ENDOV: variants seen among roughly 807,000 people sequenced by gnomAD.
The protein encoded by ENDOV is endonuclease V.
In ENDOV, 37 loss-of-function variants were observed where a neutral mutation model predicts 39.4. The observed-to-expected ratio is 0.94, with a 90% CI of 0.72 to 1.23. ENDOV has a LOEUF of 1.23. ENDOV is among the 50% of genes most tolerant of loss of function. ENDOV has a pLI of 0.00. For missense variants in ENDOV, 441 were observed against 375.7 expected, an observed-to-expected ratio of 1.17 and a Z score of -1.44; for synonymous variants, 186 against 163.4, an observed-to-expected ratio of 1.14 and a Z score of -1.05.
intron 2 of ENDOV, among the ~76,000 whole-genome samples, chr17:80,416,473 G>C (rs1292689945): frequency 6.6e-6 from 1 of 151,960 alleles, no homozygotes; most frequent in Non-Finnish European, 1.5e-5. Context: ...ACACTAGCTC[G>C]CTTTTATTCT....
In ENDOV at chr17:80,428,382, A is replaced by G. The variant is rs534149614; in HGVS notation, c.715-214A>G. 190 of 578,892 alleles carry G rather than the reference A, an allele frequency of 3.3e-4. No individual in the cohort carries two copies. In the African/African-American group the frequency reaches 3.3e-3, roughly 10 times the overall value. 35.9% of individuals were successfully genotyped at this position (578,892 alleles called of 1,614,324 possible). On this transcript the variant is annotated intron_variant, in intron 7 of 9. Coordinates refer to ENST00000518137, the MANE Select transcript of ENDOV (RefSeq NM_173627.5). ...CAGGGACTGCCCAGCTCGGTTTGAG[A>G]GCTGCCATTGCGGGGCTTTGACCCC...
At chr17:80,421,439 C>T (rs375847970) in intron 2 of ENDOV, among the ~76,000 whole-genome samples, 13 of 149,300 alleles carry the variant, frequency 8.7e-5, no homozygotes, top group African/African-American at 3.3e-4. Context: ...GGAGTTGGGG[C>T]TCCTCCAGTG....
chr17:80,415,272 C>A, intron 1 of ENDOV, 22 bp downstream of exon 1: 1 of 1,612,652 alleles, frequency 6.2e-7, no homozygotes, highest in Non-Finnish European at 8.5e-7. Context: ...AGGCGACGCG[C>A]AGGAGGCGGG....
Position 80,431,203 on chromosome 17 carries a change from C to T in ENDOV, c.838+1372C>T, listed in dbSNP as rs1469459707. On this transcript the variant is annotated intron_variant, in intron 9 of 9. Coordinates refer to ENST00000518137, the MANE Select transcript of ENDOV (RefSeq NM_173627.5). ...CCATGCCCCTTCAAGAAGGTGCTAT[C>T]CTGGTGTTCCTGAGGAGCAGGGCGA... is the stretch of plus-strand genomic sequence containing the variant. 5.9e-5 allele frequency among the ~76,000 whole-genome samples: 9 copies of T among 152,286 alleles called. No individual in the cohort carries two copies. In the East Asian group the frequency reaches 1.5e-3, roughly 26 times the overall value.
intron 2 of ENDOV, among the ~76,000 whole-genome samples, chr17:80,419,065 C>A (rs963421056): frequency 6.7e-6 from 1 of 149,280 alleles, no homozygotes; most frequent in Non-Finnish European, 1.5e-5. Context: ...CCCAGCTACT[C>A]GGGAGGCTGA....
At chr17:80,422,376 C>A in intron 4 of ENDOV, 131 bp downstream of exon 4, 2 of 1,110,468 alleles carry the variant, frequency 1.8e-6, no homozygotes, top group Non-Finnish European at 1.3e-6. Flanking sequence ...TGGCTTCTTT[C>A]TCGGCGCAAC....
At chr17:80,425,751 G>A (rs2082619708) in intron 7 of ENDOV, 131 bp downstream of exon 7, 1 of 1,391,822 alleles carries the variant, frequency 7.2e-7, no homozygotes, top group African/African-American at 1.5e-5. Context: ...CTGGGCCGAG[G>A]ACAGGTCACA....
In ENDOV at chr17:80,419,088, G is replaced by C. The variant is rs560668144; in HGVS notation, c.229-2740G>C. ...CTCGGGAGGCTGAGGCAGGAGAATG[G>C]CGTGAACCTGGGAGGCGGAGCTTGC... On this transcript the variant is annotated intron_variant, in intron 2 of 9. Transcript: ENST00000518137. 1.7e-3 allele frequency among the ~76,000 whole-genome samples: 256 copies of C among 151,644 alleles called. 2 individuals are homozygous for C. Among genetic ancestry groups the C allele is most frequent in the Middle Eastern group, 6.8e-3 (2 of 294 alleles).
chr17:80,423,424 A>G, intron 4 of ENDOV, 96 bp from the exon 5 acceptor site: 1 of 1,210,152 alleles, frequency 8.3e-7, no homozygotes, highest in East Asian at 2.6e-5. Context: ...ACCTCTGCTC[A>G]CTTAGGGAAG....
At chr17:80,436,079 C>A in intron 9 of ENDOV, 54 bp from the exon 10 acceptor site, 1 of 1,592,962 alleles carries the variant, frequency 6.3e-7, no homozygotes, top group South Asian at 1.1e-5. Context: ...CCTTTCCACT[C>A]TGAACGCCTT....
intron 1 of ENDOV, 105 bp from the exon 2 acceptor site, chr17:80,415,545 G>T (rs1398673863): frequency 1.4e-6 from 2 of 1,387,010 alleles, no homozygotes; most frequent in Non-Finnish European, 2.0e-6. Context: ...CCCTTGAAGC[G>T]GGAGAAGACC....
intron 2 of ENDOV, 108 bp downstream of exon 2, chr17:80,415,929 A>G (rs2081075141): frequency 1.4e-6 from 2 of 1,394,872 alleles, no homozygotes; most frequent in Non-Finnish European, 1.9e-6. Context: ...CTCGTTTTGT[A>G]GGATGTCATT....
intron 6 of ENDOV, 50 bp from the exon 7 acceptor site, chr17:80,425,442 T>C (rs2082575479): frequency 3.9e-6 from 6 of 1,556,124 alleles, no homozygotes; most frequent in Non-Finnish European, 5.2e-6. Context: ...GTCCTGACCC[T>C]GGTCCCGGTG....
rs768212012 is a variant in ENDOV at position 80,425,605 on chromosome 17, A to G, written c.699A>G (p.Pro233=). 4.4e-6 allele frequency: 7 copies of G among 1,585,870 alleles called. No homozygotes were observed. The Admixed American group carries it at 1.0e-4, about 24-fold the overall frequency. ...GCTGCTGCTGCAGGTTCCGGATCCC[A>G]GAGCCCGTGCGCCAGGTGGGTGTGC... ...LTCCCCRFRI[P]EPVRQADICS... The change falls in exon 7 of 10, where the codon CCA becomes CCG. Residue 233 remains proline (P), a synonymous_variant. Transcript: ENST00000518137.
Position 80,431,801 on chromosome 17 carries a change from C to T in ENDOV, c.838+1970C>T, listed in dbSNP as rs41301900. Among the ~76,000 whole-genome samples, 80 of 152,266 alleles carry T rather than the reference C, an allele frequency of 5.3e-4. No homozygotes were observed. The East Asian group carries it at 6.6e-3, about 13-fold the overall frequency. On this transcript the variant is annotated intron_variant, in intron 9 of 9. Coordinates refer to ENST00000518137, the MANE Select transcript of ENDOV (RefSeq NM_173627.5). ...AGGGGCAGGAGCTAGTGGATGGGGA[C>T]GGCTCACGGCCCTCCCTTTCCACTT...
Position 80,415,642 on chromosome 17 carries a change from C to T in ENDOV, c.57-8C>T, listed in dbSNP as rs761693588. Reference sequence around the variant, plus strand: ...CCCCGACCAAGTTTGACGCTTCTGTCCTCCTAGGGAGCAAGCTCGGCTGAA... The same window carrying T: ...CCCCGACCAAGTTTGACGCTTCTGTTCTCCTAGGGAGCAAGCTCGGCTGAA... On this transcript the variant is annotated splice_polypyrimidine_tract_variant and splice_region_variant and intron_variant, in intron 1 of 9. Transcript: ENST00000518137. The T allele has an allele frequency of 1.8e-5, 29 of 1,568,454 alleles. No individual in the cohort carries two copies. The highest frequency in any genetic ancestry group is 1.8e-4 in the Middle Eastern group (1 of 5,632).
intron 9 of ENDOV, 111 bp downstream of exon 9, chr17:80,429,942 G>A: frequency 3.8e-6 from 6 of 1,587,280 alleles, no homozygotes; most frequent in Non-Finnish European, 5.1e-6. Context: ...TGGGCACCAT[G>A]AAGACAAGAA....
intron 7 of ENDOV, 66 bp downstream of exon 7, chr17:80,425,686 G>T: frequency 7.2e-6 from 11 of 1,533,392 alleles, no homozygotes; most frequent in Middle Eastern, 2.3e-4. Flanking sequence ...TGCTGTTCAG[G>T]GCTCCCCAGC....
intron 5 of ENDOV, among the ~76,000 whole-genome samples, chr17:80,424,771 T>G (rs1439663954): frequency 1.3e-5 from 2 of 152,174 alleles, no homozygotes; most frequent in Admixed American, 6.5e-5. Flanking sequence ...CTGGCTAGCA[T>G]GGTGAAACCC....
Sources: gnomAD v4.1 joint callset for allele counts (sites outside exome capture counted in the v4.1 genomes callset) on GRCh38, gnomAD v4.1.1 for gene constraint, MANE v1.5 for transcripts, NCBI Gene and HGNC (gene_info 2026-07-23, HGNC 2026-07-21) for gene names.